Variants in PDE3A observed in about 807,000 individuals in gnomAD.
The protein encoded by PDE3A is cGMP-inhibited 3',5'-cyclic phosphodiesterase 3A.
Under a neutral mutation model 98.3 loss-of-function variants are expected in PDE3A, and 43 were observed. The observed-to-expected ratio is 0.44, with a 90% CI of 0.34 to 0.56. PDE3A has a LOEUF of 0.56. PDE3A is among the 20% of genes least tolerant of loss of function. The pLI is 0.01. For synonymous variants in PDE3A, 663 were observed against 567.9 expected (o/e 1.17, Z -2.38); for missense variants, 1,427 against 1,440.7 (o/e 0.99, Z 0.15).
Position 20,524,828 on chromosome 12 carries a change from C to T in PDE3A, c.961-31832C>T, listed in dbSNP as rs555402643. 3.9e-5 allele frequency among the ~76,000 whole-genome samples: 6 copies of T among 152,138 alleles called. No homozygotes were observed. In the East Asian group the frequency reaches 9.7e-4, roughly 25 times the overall value. ...TCAGAGGTAACCTCTGTGCACTACCCTCTTGTGGTTAGAAGATGGAGCTAG... is the reference window on the plus strand; with the variant it reads ...TCAGAGGTAACCTCTGTGCACTACCTTCTTGTGGTTAGAAGATGGAGCTAG... On this transcript the variant is annotated intron_variant, in intron 1 of 15. Coordinates refer to ENST00000359062, the MANE Select transcript of PDE3A (RefSeq NM_000921.5).
intron 1 of PDE3A, among the ~76,000 whole-genome samples, chr12:20,468,428 T>C (rs1945380804): frequency 6.6e-6 from 1 of 152,154 alleles, no homozygotes; most frequent in Admixed American, 6.5e-5. Flanking sequence ...TAATGAGGGA[T>C]CTATAAGACT....
intron 1 of PDE3A, among the ~76,000 whole-genome samples, chr12:20,532,431 T>G (rs1328269969): frequency 6.6e-6 from 1 of 152,202 alleles, no homozygotes; most frequent in African/African-American, 2.4e-5. Context: ...CTGACGATTA[T>G]GGTATATGGA....
chr12:20,603,718 CAAT>C (rs760087880), intron 2 of PDE3A, among the ~76,000 whole-genome samples: 4 of 152,122 alleles, frequency 2.6e-5, no homozygotes, highest in Admixed American at 6.5e-5. Flanking sequence ...GTTTCACCAA[CAAT>C]AATGATAATG....
At chr12:20,646,633 A>G in intron 11 of PDE3A, 30 bp downstream of exon 11, 1 of 1,418,692 alleles carries the variant, frequency 7.0e-7, no homozygotes, top group Middle Eastern at 1.8e-4. Flanking sequence ...GCACTGCCTT[A>G]TGAAAGATGG....
At position 20,621,361 on chromosome 12, in the gene PDE3A, A is replaced by G. The variant is rs201499879; in HGVS notation, c.1490A>G (p.Tyr497Cys). The G allele has an allele frequency of 2.7e-4, 437 of 1,612,590 alleles. 2 individuals carry two copies. In the East Asian group the frequency reaches 8.5e-3, roughly 31 times the overall value. The change falls in exon 5 of 16, where the codon TAT becomes TGT. Residue 497 changes from tyrosine to cysteine, a missense_variant. Tyr to Cys is a radical substitution (Grantham distance 194, BLOSUM62 -2). Coordinates refer to ENST00000359062, the MANE Select transcript of PDE3A (RefSeq NM_000921.5). ...AAAAGCAGATCCTTTACTTCATCCT[A>G]TGCTATTTCTGCAGCTAACCATGTA... is the stretch of plus-strand genomic sequence containing the variant. Reference protein sequence around the residue: ...LTKSRSFTSSYAISAANHVKA... With the variant: ...LTKSRSFTSSCAISAANHVKA...
chr12:20,458,101 T>C (rs1479154053), intron 1 of PDE3A, among the ~76,000 whole-genome samples: 2 of 150,342 alleles, frequency 1.3e-5, no homozygotes, highest in Non-Finnish European at 3.0e-5. Context: ...ATTTTGTATA[T>C]GTTCATCTTC....
intron 1 of PDE3A, among the ~76,000 whole-genome samples, chr12:20,434,675 A>G (rs1368398215): frequency 6.6e-6 from 1 of 152,194 alleles, no homozygotes; most frequent in Non-Finnish European, 1.5e-5. Flanking sequence ...TGTTTATTTC[A>G]TGAAATGCTG....
rs1368376717 is a variant in PDE3A, at chr12:20,572,183, CT to C, written c.1011+15478del. ...TCTACTGGGAAAAGGTATGAATAAC[CT>C]TTTTGTTCTATAATGATTTTCAACA... On this transcript the variant is annotated intron_variant, in intron 2 of 15. Transcript: ENST00000359062. 1.5e-5 allele frequency: 18 copies of C among 1,169,832 alleles called. No individual in the cohort carries two copies. The Admixed American group carries it at 3.9e-4, about 25-fold the overall frequency. 72.5% of individuals were successfully genotyped at this position (1,169,832 alleles called of 1,614,324 possible). A position where few individuals can be genotyped will look rare whatever the true frequency, so the allele number is the denominator to read the frequency against.
At chr12:20,532,155 G>C (rs1443669148) in intron 1 of PDE3A, among the ~76,000 whole-genome samples, 1 of 151,992 alleles carries the variant, frequency 6.6e-6, no homozygotes, top group Non-Finnish European at 1.5e-5. Context: ...TACATGTAGA[G>C]TCATCTTTAT....
chr12:20,434,084 G>A (rs1052348897), intron 1 of PDE3A, among the ~76,000 whole-genome samples: 2 of 152,128 alleles, frequency 1.3e-5, no homozygotes, highest in African/African-American at 4.8e-5. Context: ...TTAAAATAAT[G>A]TGCAACATTG....
At chr12:20,676,100 G>C (rs1468033683) in intron 15 of PDE3A, among the ~76,000 whole-genome samples, 1 of 151,938 alleles carries the variant, frequency 6.6e-6, no homozygotes, top group Non-Finnish European at 1.5e-5. Flanking sequence ...CATTGCAGTT[G>C]GGTGGTTTTC....
intron 1 of PDE3A, among the ~76,000 whole-genome samples, chr12:20,380,371 C>A (rs1182907383): frequency 6.6e-6 from 1 of 151,806 alleles, no homozygotes; most frequent in Non-Finnish European, 1.5e-5. Context: ...TCAAGTTGAA[C>A]TGAAAAATCA....
chr12:20,368,687 T>A lies in PDE3A; in HGVS notation c.-598T>A, dbSNP rs1254870227. ...GCTTTCTGCCCCAGGGAATGGCGAT[T>A]CGCGTCCTGGGGCCGTGCCGGGGAG... On this transcript the variant is annotated 5_prime_UTR_variant, in exon 1 of 16. Transcript: ENST00000359062. 6.6e-6 allele frequency among the ~76,000 whole-genome samples: 1 copy of A among 151,948 alleles called. No homozygotes were observed. The highest frequency in any genetic ancestry group is 2.4e-5 in the African/African-American group (1 of 41,384).
Position 20,425,169 on chromosome 12 carries a change from C to G in PDE3A, c.960+54925C>G, listed in dbSNP as rs557622366. 2.0e-5 allele frequency among the ~76,000 whole-genome samples: 3 copies of G among 152,254 alleles called. No individual in the cohort carries two copies. The East Asian group carries it at 5.8e-4, about 29-fold the overall frequency. ...AAGAGGCACACGCCTGGATTGGCCT[C>G]GGTGACCAATAATGTCTGGTGGTAA... On this transcript the variant is annotated intron_variant, in intron 1 of 15. Coordinates refer to ENST00000359062, the MANE Select transcript of PDE3A (RefSeq NM_000921.5).
chr12:20,661,957 C>T (rs543337073), intron 15 of PDE3A, among the ~76,000 whole-genome samples: 55 of 152,120 alleles, frequency 3.6e-4, no homozygotes, highest in African/African-American at 1.3e-3. Context: ...CAGCTGGCAC[C>T]ATGTGCCTGG....
intron 10 of PDE3A, among the ~76,000 whole-genome samples, chr12:20,642,004 TATC>T (rs1295162404): frequency 6.6e-6 from 1 of 152,162 alleles, no homozygotes; most frequent in African/African-American, 2.4e-5. Flanking sequence ...AATCTTCACT[TATC>T]ATTAGTTATA....
At chr12:20,613,756 C>G (rs888568182) in intron 3 of PDE3A, 56 bp downstream of exon 3, 25 of 1,348,820 alleles carry the variant, frequency 1.9e-5, no homozygotes, top group Non-Finnish European at 2.4e-5. Flanking sequence ...TAATTGTCTT[C>G]TAGGTCTCCT....
intron 1 of PDE3A, among the ~76,000 whole-genome samples, chr12:20,373,977 G>A (rs986478707): frequency 6.6e-6 from 1 of 152,116 alleles, no homozygotes; most frequent in Non-Finnish European, 1.5e-5. Flanking sequence ...GCCTGTCAAT[G>A]TAACATATTG....
chr12:20,411,491 T>C (rs1040097891), intron 1 of PDE3A, among the ~76,000 whole-genome samples: 7 of 150,076 alleles, frequency 4.7e-5, no homozygotes, highest in African/African-American at 1.2e-4. Context: ...TGACATTTCT[T>C]GTGTTGACAT....
Sources: allele counts gnomAD v4.1 joint callset (sites outside exome capture counted in the v4.1 genomes callset), GRCh38; gene constraint gnomAD v4.1.1; transcripts MANE v1.5; gene names NCBI Gene and HGNC (gene_info 2026-07-23, HGNC 2026-07-21).